RAPGEF2: variants seen among roughly 807,000 people sequenced by gnomAD.
The protein encoded by RAPGEF2 is PDZ domain containing guanine nucleotide exchange factor (GEF) 1.
A neutral mutation model predicts 186.7 loss-of-function variants in RAPGEF2; 54 were observed. The ratio of observed to expected loss-of-function variants is 0.29; its 90% CI spans 0.23 to 0.36. The LOEUF (loss-of-function observed/expected upper bound fraction) is 0.36, where lower values mean the gene tolerates loss of function less well. Among genes scored for constraint, RAPGEF2 ranks in the 10% least tolerant of loss-of-function variants. The pLI, the probability that RAPGEF2 is intolerant of heterozygous loss-of-function variation, is 1.00. For synonymous variants in RAPGEF2, 712 were observed against 705.9 expected (o/e 1.01, Z -0.14); for missense variants, 1,532 against 2,045.0 (o/e 0.75, Z 4.84).
At chr4:159,208,738 A>C (rs916252597) in intron 3 of RAPGEF2, among the ~76,000 whole-genome samples, 6 of 152,200 alleles carry the variant, frequency 3.9e-5, no homozygotes, top group African/African-American at 1.4e-4. Context: ...GCAATTGACT[A>C]TGTGTGATAA....
At chr4:159,249,988 T>C (rs1755114804) in intron 7 of RAPGEF2, among the ~76,000 whole-genome samples, 1 of 152,176 alleles carries the variant, frequency 6.6e-6, no homozygotes, top group African/African-American at 2.4e-5. Context: ...ATTACTCGTA[T>C]TGGGAAATAT....
intron 7 of RAPGEF2, among the ~76,000 whole-genome samples, chr4:159,299,340 CA>C (rs1241835137): frequency 6.6e-6 from 1 of 151,126 alleles, no homozygotes; most frequent in African/African-American, 2.4e-5. Flanking sequence ...AGTCAATAGA[CA>C]GTATTTTTTT....
intron 1 of RAPGEF2, among the ~76,000 whole-genome samples, chr4:159,127,595 A>G (rs1289463236): frequency 6.6e-6 from 1 of 152,172 alleles, no homozygotes; most frequent in Admixed American, 6.5e-5. Context: ...TTAAGTGTAC[A>G]TATCTCATTT....
At chr4:159,177,235 TAC>T (rs1746533368) in intron 1 of RAPGEF2, among the ~76,000 whole-genome samples, 2 of 150,534 alleles carry the variant, frequency 1.3e-5, no homozygotes, top group African/African-American at 4.9e-5. Flanking sequence ...TTTTTTGGCA[TAC>T]AGACACATCA....
chr4:159,307,175 A>G (rs1010546219), intron 8 of RAPGEF2, among the ~76,000 whole-genome samples: 3 of 152,162 alleles, frequency 2.0e-5, no homozygotes, highest in Non-Finnish European at 2.9e-5. Flanking sequence ...CGTAAAAATA[A>G]CTTTCTTTAG....
At chr4:159,332,757 A>G (rs919378707) in intron 17 of RAPGEF2, 60 bp downstream of exon 17, 8 of 1,557,836 alleles carry the variant, frequency 5.1e-6, no homozygotes, top group Non-Finnish European at 7.0e-6. Context: ...ATATGCAAAG[A>G]TAGTGATGTA....
rs1729930616 is a variant in RAPGEF2 at position 159,344,079 on chromosome 4, C to T, written c.3278+20C>T. 6.6e-7 allele frequency: 1 copy of T among 1,525,024 alleles called. No homozygotes were observed. Among genetic ancestry groups the T allele is most frequent in the Non-Finnish European group, 9.1e-7 (1 of 1,099,038 alleles). The allele number at this position is 1,525,024 out of a possible 1,614,324, so 94.5% of individuals were successfully genotyped here. ...TTTGGGGTAAGTGGTGGAGACCTTG[C>T]ATACCCACACACAGTTCTTATTCTG... On this transcript the variant is annotated intron_variant, in intron 23 of 29. Transcript: ENST00000691494.
chr4:159,240,083 CT>C (rs1333825708), intron 5 of RAPGEF2, among the ~76,000 whole-genome samples: 14 of 152,274 alleles, frequency 9.2e-5, no homozygotes, highest in Admixed American at 9.1e-4. Context: ...ATATATAGCA[CT>C]TTCCAACAGT....
At chr4:159,112,546 G>A (rs555614713) in intron 1 of RAPGEF2, among the ~76,000 whole-genome samples, 5 of 152,096 alleles carry the variant, frequency 3.3e-5, no homozygotes, top group Admixed American at 6.5e-5. Context: ...GACAGTAACG[G>A]ACTATAACCC....
intron 1 of RAPGEF2, among the ~76,000 whole-genome samples, chr4:159,150,474 A>G (rs566683151): frequency 1.1e-4 from 16 of 152,354 alleles, no homozygotes; most frequent in South Asian, 1.0e-3. Flanking sequence ...TCTTGTGCTT[A>G]GGGAACACAA....
At chr4:159,230,198 C>T (rs1752482631) in intron 4 of RAPGEF2, among the ~76,000 whole-genome samples, 1 of 152,206 alleles carries the variant, frequency 6.6e-6, no homozygotes, top group African/African-American at 2.4e-5. Context: ...CCTTTTCCTA[C>T]TTTATGGCCT....
At chr4:159,214,107 G>A (rs7699044) in intron 4 of RAPGEF2, among the ~76,000 whole-genome samples, 1 of 151,952 alleles carries the variant, frequency 6.6e-6, no homozygotes, top group Non-Finnish European at 1.5e-5. Context: ...TGCTATCAAA[G>A]GTAATTTAAG....
Position 159,332,470 on chromosome 4 carries a change from A to G in RAPGEF2, c.1908A>G (p.Thr636=). 1 of 1,612,746 alleles carries G rather than the reference A, an allele frequency of 6.2e-7. No homozygotes were observed. The highest frequency in any genetic ancestry group is 1.3e-5 in the African/African-American group (1 of 74,908). ...TTTTAGTATTTAAAGAACTTCTAAC[A>G]AGATTGTCAGAAGAGAAAAGAAATG... ...TNLFVFKELL[T]RLSEEKRNGA... is the part of the protein sequence containing the mutation. The change falls in exon 17 of 30, where the codon ACA becomes ACG. Residue 636 remains threonine, a synonymous_variant. Transcript: ENST00000691494.
intron 8 of RAPGEF2, among the ~76,000 whole-genome samples, chr4:159,312,602 C>G (rs1003895910): frequency 6.6e-6 from 1 of 152,152 alleles, no homozygotes; most frequent in African/African-American, 2.4e-5. Flanking sequence ...CTCCTGCCTG[C>G]AGTATCTCTG....
rs145617575 is a variant in RAPGEF2 at position 159,106,795 on chromosome 4, T to C, written c.69+2564T>C. On this transcript the variant is annotated intron_variant, in intron 1 of 29. Transcript: ENST00000691494. ...GTGAAAACATAGTTTTGTATTTAGG[T>C]CAATCAATTGCCTAGAAGTAATCCT... Among the ~76,000 whole-genome samples, 6 of 152,288 alleles carry C rather than the reference T, an allele frequency of 3.9e-5. No homozygotes were observed. The East Asian group carries it at 1.2e-3, about 29-fold the overall frequency.
intron 1 of RAPGEF2, among the ~76,000 whole-genome samples, chr4:159,161,682 A>T (rs1343336579): frequency 6.6e-6 from 1 of 152,232 alleles, no homozygotes; most frequent in Non-Finnish European, 1.5e-5. Context: ...ACTGCACTCC[A>T]GCCTGGGTGA....
chr4:159,257,913 C>A (rs1756371983), intron 7 of RAPGEF2, among the ~76,000 whole-genome samples: 1 of 151,992 alleles, frequency 6.6e-6, no homozygotes, highest in African/African-American at 2.4e-5. Flanking sequence ...TGGGCTCTTT[C>A]ATCCCTGATT....
At chr4:159,295,282 A>G (rs1404648240) in intron 7 of RAPGEF2, among the ~76,000 whole-genome samples, 1 of 152,112 alleles carries the variant, frequency 6.6e-6, no homozygotes, top group African/African-American at 2.4e-5. Flanking sequence ...TGACCTAGAG[A>G]ATTTTTTGGA....
intron 7 of RAPGEF2, among the ~76,000 whole-genome samples, chr4:159,260,579 C>G (rs1168063308): frequency 6.6e-6 from 1 of 152,104 alleles, no homozygotes; most frequent in East Asian, 1.9e-4. Flanking sequence ...TAGTTCTTTT[C>G]TATAACCACT....
Sources: allele counts gnomAD v4.1 joint callset (sites outside exome capture counted in the v4.1 genomes callset), GRCh38; gene constraint gnomAD v4.1.1; transcripts MANE v1.5; gene names NCBI Gene and HGNC (gene_info 2026-07-23, HGNC 2026-07-21).